The following RNF144A variants were observed in gnomAD, a reference collection of about 807,000 sequenced individuals.
RNF144A encodes the protein E3 ubiquitin-protein ligase RNF144A.
In RNF144A, 11 loss-of-function variants were observed where a neutral mutation model predicts 38.7. The ratio of observed to expected loss-of-function variants is 0.28; its 90% CI spans 0.18 to 0.47. The LOEUF (loss-of-function observed/expected upper bound fraction) is 0.47. RNF144A is among the 20% of genes least tolerant of loss of function. RNF144A has a pLI of 0.99. For synonymous variants in RNF144A, 149 were observed against 143.9 expected, an observed-to-expected ratio of 1.04 and a Z score of -0.25; for missense variants, 316 against 377.2, an observed-to-expected ratio of 0.84 and a Z score of 1.34.
At chr2:6,983,083 A>G (rs553780302) in intron 2 of RNF144A, among the ~76,000 whole-genome samples, 14 of 152,248 alleles carry the variant, frequency 9.2e-5, no homozygotes, top group South Asian at 2.1e-4. Context: ...GTGTTCTTCA[A>G]TGGTATTTGC....
chr2:6,919,274 C>T (rs1212366688), intron 1 of RNF144A, among the ~76,000 whole-genome samples: 3 of 152,126 alleles, frequency 2.0e-5, no homozygotes, highest in Admixed American at 2.0e-4. Flanking sequence ...TGTGTGACAC[C>T]GTGAACTTTC....
downstream of RNF144A, among the ~76,000 whole-genome samples, chr2:7,071,137 T>G (rs550082511): frequency 6.6e-6 from 1 of 152,234 alleles, no homozygotes; most frequent in South Asian, 2.1e-4. Flanking sequence ...AGTTTCACCA[T>G]GTTGGCCAGG....
At chr2:7,024,307 A>G (rs750792194) in intron 6 of RNF144A, 62 bp from the exon 7 acceptor site, 17 of 1,458,454 alleles carry the variant, frequency 1.2e-5, no homozygotes, top group Non-Finnish European at 1.4e-5. Context: ...CAGCATAGCC[A>G]GTGCTCCTGG....
At chr2:6,947,208 TTC>T (rs766854225) in intron 2 of RNF144A, among the ~76,000 whole-genome samples, 53 of 152,214 alleles carry the variant, frequency 3.5e-4, no homozygotes, top group Non-Finnish European at 6.2e-4. Flanking sequence ...ATCCAAATTC[TTC>T]TGTTTTTAAT....
At chr2:7,033,356 G>T (rs1672452242) in intron 8 of RNF144A, among the ~76,000 whole-genome samples, 1 of 152,232 alleles carries the variant, frequency 6.6e-6, no homozygotes, top group African/African-American at 2.4e-5. Flanking sequence ...CTCAGCTGGG[G>T]CTGGCAGTCA....
At chr2:6,983,038 A>C (rs759711763) in intron 2 of RNF144A, among the ~76,000 whole-genome samples, 29 of 152,148 alleles carry the variant, frequency 1.9e-4, no homozygotes, top group Middle Eastern at 3.2e-3. Context: ...TTTGTCCTAG[A>C]GGTGCTGCAG....
In RNF144A at chr2:7,040,480, A is replaced by C; in HGVS notation, c.*720A>C. 1.0e-6 allele frequency: 1 copy of C among 985,350 alleles called. No individual in the cohort carries two copies. Among genetic ancestry groups the C allele is most frequent in the Non-Finnish European group, 1.2e-6 (1 of 829,874 alleles). 61.0% of individuals were successfully genotyped at this position (985,350 alleles called of 1,614,324 possible). A position where few individuals can be genotyped will look rare whatever the true frequency, so the allele number is the denominator to read the frequency against. On this transcript the variant is annotated 3_prime_UTR_variant, in exon 9 of 9. Transcript: ENST00000320892. ...TCCTATATTGTTGCATTTCCTTGAT[A>C]ATATTGACGTGTTTAAAGGAACATC...
At chr2:7,004,999 T>A (rs546336117) in intron 3 of RNF144A, among the ~76,000 whole-genome samples, 1 of 152,376 alleles carries the variant, frequency 6.6e-6, no homozygotes, top group East Asian at 1.9e-4. Context: ...CTTTCTAGTC[T>A]TATTTTTACA....
Position 6,936,844 on chromosome 2 carries a change from AGTGTGTGT to A in RNF144A, c.-211-4077_-211-4070del, listed in dbSNP as rs55971680. The stretch of plus-strand genomic sequence containing the variant: ...CAGATTTTTTCAAGTCACACACAGT[AGTGTGTGT>A]GTGTGTGTGTGTGTGTGTGTGTGTG... On this transcript the variant is annotated intron_variant, in intron 1 of 8. Transcript: ENST00000320892. Among the ~76,000 whole-genome samples the A allele has an allele frequency of 3.8e-3, 543 of 144,200 alleles. 6 individuals carry two copies. The highest frequency in any genetic ancestry group is 0.013 in the African/African-American group (519 of 39,156). 94.6% of individuals were successfully genotyped at this position (144,200 alleles called of 152,430 possible). A position where few individuals can be genotyped will look rare whatever the true frequency, so the allele number is the denominator to read the frequency against.
In RNF144A at chr2:7,013,695, C is replaced by G. The variant is rs545973919; in HGVS notation, c.136-759C>G. ...TTATAATATGCTTTTCAGGGAAACA[C>G]TAGATTTCTAAGACTAGTAGACTTT... On this transcript the variant is annotated intron_variant, in intron 3 of 8. Transcript: ENST00000320892. Among the ~76,000 whole-genome samples the G allele has an allele frequency of 3.9e-5, 6 of 152,294 alleles. No individual in the cohort carries two copies. In the East Asian group the frequency reaches 9.7e-4, roughly 25 times the overall value.
At chr2:6,994,205 C>T (rs1475494377) in intron 2 of RNF144A, among the ~76,000 whole-genome samples, 1 of 152,160 alleles carries the variant, frequency 6.6e-6, no homozygotes, top group Non-Finnish European at 1.5e-5. Flanking sequence ...AAGCTCTCCC[C>T]AGATCTCCAG....
intron 1 of RNF144A, among the ~76,000 whole-genome samples, chr2:6,927,110 C>T (rs1331969267): frequency 1.3e-5 from 2 of 152,196 alleles, no homozygotes; most frequent in African/African-American, 4.8e-5. Context: ...CTTCACGTCT[C>T]CTGTTTGTGA....
At chr2:6,918,198 G>A (rs1664266541) in intron 1 of RNF144A, 1 of 152,314 alleles carries the variant, frequency 6.6e-6, no homozygotes, top group Non-Finnish European at 1.5e-5. Flanking sequence ...GTCCGCGGCT[G>A]CTACTGCCCC....
downstream of RNF144A, among the ~76,000 whole-genome samples, chr2:7,069,075 C>T (rs920826635): frequency 1.3e-5 from 2 of 152,240 alleles, no homozygotes; most frequent in African/African-American, 4.8e-5. Flanking sequence ...AGCAAGGAAG[C>T]CAATCAGCAC....
chr2:7,041,212 G>T lies in RNF144A; in HGVS notation c.*1452G>T, dbSNP rs539783026. The T allele has an allele frequency of 4.6e-5, 45 of 985,058 alleles. No individual in the cohort carries two copies. Among genetic ancestry groups the T allele is most frequent in the Non-Finnish European group, 7.2e-6 (6 of 829,684 alleles). 61.0% of individuals were successfully genotyped at this position (985,058 alleles called of 1,614,324 possible). On this transcript the variant is annotated 3_prime_UTR_variant, in exon 9 of 9. Transcript: ENST00000320892. Reference sequence around the variant, plus strand: ...AGTAAAACAAAATCCTTTTATCTCAGTTATTTGCCCATCACAAGCACATTT... The same window carrying T: ...AGTAAAACAAAATCCTTTTATCTCATTTATTTGCCCATCACAAGCACATTT...
At chr2:6,981,251 G>A (rs550934436) in intron 2 of RNF144A, among the ~76,000 whole-genome samples, 4 of 152,190 alleles carry the variant, frequency 2.6e-5, no homozygotes, top group East Asian at 3.9e-4. Context: ...TTTCTGCAGC[G>A]GGCTTGAATT....
chr2:6,919,023 G>T (rs1052105693), intron 1 of RNF144A, among the ~76,000 whole-genome samples: 1 of 152,216 alleles, frequency 6.6e-6, no homozygotes, highest in Non-Finnish European at 1.5e-5. Flanking sequence ...GTTGAGCCTG[G>T]CAGATAAGAT....
intron 2 of RNF144A, among the ~76,000 whole-genome samples, chr2:6,967,580 A>G (rs1667749695): frequency 6.6e-6 from 1 of 152,234 alleles, no homozygotes; most frequent in South Asian, 2.1e-4. Flanking sequence ...ACTTCTGGGT[A>G]ACTGAGGCAG....
At chr2:6,940,187 A>G (rs1665876479) in intron 1 of RNF144A, among the ~76,000 whole-genome samples, 1 of 152,236 alleles carries the variant, frequency 6.6e-6, no homozygotes, top group Non-Finnish European at 1.5e-5. Context: ...TATCTTAGCA[A>G]CATTGTCTTC....
Sources: gnomAD v4.1 joint callset for allele counts (sites outside exome capture counted in the v4.1 genomes callset) on GRCh38, gnomAD v4.1.1 for gene constraint, MANE v1.5 for transcripts, NCBI Gene and HGNC (gene_info 2026-07-23, HGNC 2026-07-21) for gene names.